Variants in OSBPL10 observed in about 807,000 individuals in gnomAD.
The protein encoded by OSBPL10 is oxysterol binding protein like 10.
In OSBPL10, 49 loss-of-function variants were observed where a neutral mutation model predicts 81.7. The ratio of observed to expected loss-of-function variants is 0.60; its 90% CI spans 0.48 to 0.76. The LOEUF (loss-of-function observed/expected upper bound fraction) is 0.76, where lower values mean the gene tolerates loss of function less well. OSBPL10 is among the 30% of genes least tolerant of loss of function. The probability of loss-of-function intolerance (pLI) is 0.00; values close to 1 mark genes in which losing one functional copy is unlikely to be tolerated. For missense variants in OSBPL10, 923 were observed against 987.8 expected (o/e 0.93, Z 0.88); for synonymous variants, 419 against 383.6 (o/e 1.09, Z -1.08).
chr3:32,069,085 G>A (rs376850306), intron 1 of OSBPL10, among the ~76,000 whole-genome samples: 1 of 152,162 alleles, frequency 6.6e-6, no homozygotes, highest in African/African-American at 2.4e-5. Context: ...TGAAGGCATA[G>A]TCAGGGTACA....
At chr3:31,893,630 AAATGTTAACTGGTG>A (rs1695966339) in intron 1 of OSBPL10, among the ~76,000 whole-genome samples, 1 of 152,204 alleles carries the variant, frequency 6.6e-6, no homozygotes, top group South Asian at 2.1e-4. Flanking sequence ...GAAATAATTT[AAATGTTAACTGGTG>A]AATGGATAAA....
At chr3:31,926,766 T>C (rs1697086459) in intron 1 of OSBPL10, among the ~76,000 whole-genome samples, 1 of 152,142 alleles carries the variant, frequency 6.6e-6, no homozygotes, top group Admixed American at 6.6e-5. Context: ...ACAGCACCTA[T>C]GCAGCAGAAG....
At chr3:31,774,427 AG>A (rs1698487815) in intron 4 of OSBPL10, among the ~76,000 whole-genome samples, 1 of 152,204 alleles carries the variant, frequency 6.6e-6, no homozygotes, top group Non-Finnish European at 1.5e-5. Context: ...ACACAGGTGA[AG>A]GTACAGTGTC....
intron 4 of OSBPL10, among the ~76,000 whole-genome samples, chr3:31,781,631 C>T (rs112669942): frequency 3.3e-5 from 5 of 152,154 alleles, no homozygotes; most frequent in Non-Finnish European, 7.4e-5. Flanking sequence ...TCAATGTACA[C>T]AAATTAGTAG....
At chr3:32,066,845 C>T (rs935528701) in intron 1 of OSBPL10, among the ~76,000 whole-genome samples, 3 of 152,278 alleles carry the variant, frequency 2.0e-5, no homozygotes, top group African/African-American at 4.8e-5. Context: ...GACTGAGCTC[C>T]TGTGATTGGC....
At chr3:31,802,217 G>A (rs1306904933) in intron 4 of OSBPL10, among the ~76,000 whole-genome samples, 1 of 151,900 alleles carries the variant, frequency 6.6e-6, no homozygotes, top group Non-Finnish European at 1.5e-5. Context: ...CAGGTAACAA[G>A]GGGCAGGGTT....
chr3:32,014,313 T>C (rs1232414485), intron 2 of OSBPL10, among the ~76,000 whole-genome samples: 1 of 152,124 alleles, frequency 6.6e-6, no homozygotes, highest in Non-Finnish European at 1.5e-5. Context: ...ATAAACGTAA[T>C]CCAGCATATA....
At chr3:31,947,745 A>G (rs1697743128) in intron 1 of OSBPL10, among the ~76,000 whole-genome samples, 2 of 152,142 alleles carry the variant, frequency 1.3e-5, no homozygotes, top group African/African-American at 4.8e-5. Flanking sequence ...AGAAAAATAG[A>G]TAAAGAATCT....
rs1553614127 is a variant in OSBPL10, at chr3:31,688,283, T to TGTCACA, written c.1246-4170_1246-4169insTGTGAC. Among the ~76,000 whole-genome samples, 10 of 115,484 alleles carry TGTCACA rather than the reference T, an allele frequency of 8.7e-5. No homozygotes were observed. The East Asian group carries it at 2.3e-3, about 26-fold the overall frequency. The allele number at this position is 115,484 out of a possible 152,430, so 75.8% of individuals were successfully genotyped here. A position where few individuals can be genotyped will look rare whatever the true frequency, so the allele number is the denominator to read the frequency against. ...CTGCACAAATCTCTCTCTCTCTCTC[T>TGTCACA]CACACACACACACACACACACACAC... On this transcript the variant is annotated intron_variant, in intron 7 of 11. Coordinates refer to ENST00000396556, the MANE Select transcript of OSBPL10 (RefSeq NM_017784.5).
chr3:31,855,588 T>C (rs1700888814), intron 3 of OSBPL10, among the ~76,000 whole-genome samples: 1 of 152,182 alleles, frequency 6.6e-6, no homozygotes, highest in Non-Finnish European at 1.5e-5. Context: ...CAGGGTCCAG[T>C]ACTATATCCT....
chr3:31,948,756 C>T (rs1200171634), intron 1 of OSBPL10, among the ~76,000 whole-genome samples: 1 of 152,080 alleles, frequency 6.6e-6, no homozygotes, highest in African/African-American at 2.4e-5. Flanking sequence ...TGGAAAAGGC[C>T]CCCAAATCAA....
Position 31,753,401 on chromosome 3 carries a change from T to C in OSBPL10, c.730-5281A>G, listed in dbSNP as rs148919992. On this transcript the variant is annotated intron_variant, in intron 4 of 11. Coordinates refer to ENST00000396556, the MANE Select transcript of OSBPL10 (RefSeq NM_017784.5). ...GGTTTCTCCATGCTGGTCAGGCTGG[T>C]CTCGAACTCCTGACCTCAGGTGATC... 4.2e-3 allele frequency among the ~76,000 whole-genome samples: 640 copies of C among 152,136 alleles called. 2 individuals are homozygous for C. Among genetic ancestry groups the C allele is most frequent in the Non-Finnish European group, 6.4e-3 (433 of 68,000 alleles).
At chr3:31,899,131 G>A (rs1175016136) in intron 1 of OSBPL10, among the ~76,000 whole-genome samples, 12 of 151,680 alleles carry the variant, frequency 7.9e-5, no homozygotes, top group Non-Finnish European at 1.2e-4. Context: ...TAGTAGAGAC[G>A]GGGTTTCACC....
intron 7 of OSBPL10, among the ~76,000 whole-genome samples, chr3:31,686,110 C>CG (rs2125554203): frequency 6.6e-6 from 1 of 152,278 alleles, no homozygotes; most frequent in East Asian, 1.9e-4. Flanking sequence ...CACACACACC[C>CG]GCTCCCTTTT....
chr3:32,047,961 G>A (rs944297638), intron 1 of OSBPL10, among the ~76,000 whole-genome samples: 4 of 151,924 alleles, frequency 2.6e-5, no homozygotes, highest in African/African-American at 9.7e-5. Context: ...CACCACGCCC[G>A]GCCTACAACC....
At chr3:31,762,184 A>G (rs1248640535) in intron 4 of OSBPL10, among the ~76,000 whole-genome samples, 2 of 152,146 alleles carry the variant, frequency 1.3e-5, no homozygotes, top group African/African-American at 2.4e-5. Context: ...AGCTTATCTA[A>G]AGCTCAAGGT....
Position 31,670,831 on chromosome 3 carries a change from G to A in OSBPL10, c.1879C>T (p.His627Tyr). ...KTGYSATVIF[H>Y]TKPFYGGKVH... is the part of the protein sequence containing the mutation. ...TTCCCTCCATAGAAAGGCTTCGTGTGGAATATCACTGTCGCTGAGTACCCA... is the reference window on the plus strand; with the variant it reads ...TTCCCTCCATAGAAAGGCTTCGTGTAGAATATCACTGTCGCTGAGTACCCA... Residue 627 changes from histidine to tyrosine, a missense_variant, in exon 9 of 12, where the codon CAC (histidine) becomes TAC (tyrosine). This residue lies in a region of OSBPL10 where 387 missense variants were observed against 436.3 expected (regional missense o/e 0.89). Coordinates refer to ENST00000396556, the MANE Select transcript of OSBPL10 (RefSeq NM_017784.5). 1 of 1,614,070 alleles carries A rather than the reference G, an allele frequency of 6.2e-7. No individual in the cohort carries two copies. The highest frequency in any genetic ancestry group is 1.3e-5 in the African/African-American group (1 of 75,034).
At position 31,809,499 on chromosome 3, in the gene OSBPL10, A is replaced by G. The variant is rs1032973469; in HGVS notation, c.729+20541T>C. Among the ~76,000 whole-genome samples, 9 of 152,304 alleles carry G rather than the reference A, an allele frequency of 5.9e-5. 1 individual carries two copies. Among genetic ancestry groups the G allele is most frequent in the Admixed American group, 3.9e-4 (6 of 15,302 alleles). ...ATCATTCAGATGTCAGTCCTTAAAT[A>G]ATGTATAAATTTAATGCACTCCGAA... On this transcript the variant is annotated intron_variant, in intron 4 of 11. Coordinates refer to ENST00000396556, the MANE Select transcript of OSBPL10 (RefSeq NM_017784.5).
intron 1 of OSBPL10, among the ~76,000 whole-genome samples, chr3:31,972,524 CG>C (rs1369225807): frequency 6.6e-6 from 1 of 152,190 alleles, no homozygotes; most frequent in Non-Finnish European, 1.5e-5. Flanking sequence ...ACTGCAGAGA[CG>C]GCTGAGTGAG....
Sources: allele counts gnomAD v4.1 joint callset (sites outside exome capture counted in the v4.1 genomes callset), GRCh38; gene constraint gnomAD v4.1.1; regional missense constraint gnomAD v4.1.1; transcripts MANE v1.5; gene names NCBI Gene and HGNC (gene_info 2026-07-23, HGNC 2026-07-21).